STARD13: variants seen among roughly 807,000 people sequenced by gnomAD.
The protein encoded by STARD13 is StAR related lipid transfer domain containing 13.
A neutral mutation model predicts 106.4 loss-of-function variants in STARD13; 62 were observed. That is an observed-to-expected ratio of 0.58 (90% confidence interval 0.48 to 0.72). STARD13 has a LOEUF of 0.72. STARD13 is among the 30% of genes least tolerant of loss of function. The pLI is 0.00. For missense variants in STARD13, 1,387 were observed against 1,424.0 expected, an observed-to-expected ratio of 0.97 and a Z score of 0.42; for synonymous variants, 565 against 553.0, an observed-to-expected ratio of 1.02 and a Z score of -0.31.
chr13:33,466,334 T>C, the STARD13 span, among the ~76,000 whole-genome samples: 14 of 152,190 alleles, frequency 9.2e-5, no homozygotes, highest in Non-Finnish European at 1.3e-4. Context: ...ACTTGAAACA[T>C]TCAAATACAG....
At chr13:33,362,652 G>C in the STARD13 span, among the ~76,000 whole-genome samples, 2 of 143,346 alleles carry the variant, frequency 1.4e-5, no homozygotes, top group African/African-American at 6.0e-5. Context: ...CACAACAAAG[G>C]TTGTTGAATT....
chr13:33,596,898 T>C, the STARD13 span, among the ~76,000 whole-genome samples: 1 of 152,248 alleles, frequency 6.6e-6, no homozygotes, highest in Admixed American at 6.5e-5. Context: ...TAGTATGCCA[T>C]TGTGTATATA....
chr13:33,111,206 A>G (rs1293408501), intron 10 of STARD13, among the ~76,000 whole-genome samples: 5 of 152,210 alleles, frequency 3.3e-5, no homozygotes, highest in Non-Finnish European at 7.3e-5. Context: ...TTGGCAAAAT[A>G]TGGGCTCAGA....
At chr13:33,416,172 T>C in the STARD13 span, among the ~76,000 whole-genome samples, 4,825 of 152,332 alleles carry the variant, frequency 0.032, 222 homozygotes, top group East Asian at 0.2. Context: ...ATGTGCTAGA[T>C]ACTATGCCAG....
At chr13:33,309,501 C>CA (rs1210808493) in intron 1 of STARD13, among the ~76,000 whole-genome samples, 1 of 152,114 alleles carries the variant, frequency 6.6e-6, no homozygotes, top group African/African-American at 2.4e-5. Context: ...GAAGCTGGTG[C>CA]AATGGTAACA....
At chr13:33,623,264 C>G in the STARD13 span, among the ~76,000 whole-genome samples, 2 of 151,628 alleles carry the variant, frequency 1.3e-5, no homozygotes, top group Non-Finnish European at 2.9e-5. Context: ...AATGTCATAA[C>G]ATGCACAAAC....
intron 1 of STARD13, among the ~76,000 whole-genome samples, chr13:33,284,229 T>A (rs552805307): frequency 1.2e-4 from 18 of 152,324 alleles, no homozygotes; most frequent in African/African-American, 4.3e-4. Flanking sequence ...AGGACCAGCA[T>A]CCTTCACACA....
chr13:33,621,886 C>A, the STARD13 span, among the ~76,000 whole-genome samples: 5 of 150,708 alleles, frequency 3.3e-5, no homozygotes, highest in African/African-American at 1.2e-4. Context: ...CTCACTGCAA[C>A]CTCCCCCTCC....
chr13:33,537,697 A>T, the STARD13 span, among the ~76,000 whole-genome samples: 2 of 152,342 alleles, frequency 1.3e-5, no homozygotes, highest in Non-Finnish European at 1.5e-5. Flanking sequence ...ATAAAAAAAA[A>T]ATTAAAAAAC....
At chr13:33,550,648 A>T in the STARD13 span, among the ~76,000 whole-genome samples, 1 of 152,230 alleles carries the variant, frequency 6.6e-6, no homozygotes, top group African/African-American at 2.4e-5. Flanking sequence ...AGCCTGTTGA[A>T]TGTTCACAGT....
chr13:33,186,113 C>T, intron 1 of STARD13: 1 of 1,477,094 alleles, frequency 6.8e-7, no homozygotes, highest in South Asian at 1.3e-5. Flanking sequence ...TCACTGCTCC[C>T]CAGTGACCTG....
the STARD13 span, among the ~76,000 whole-genome samples, chr13:33,528,265 T>TATATATATATATATATATATATATAC: frequency 1.7e-3 from 222 of 131,480 alleles, 3 homozygotes; most frequent in African/African-American, 6.8e-3. Flanking sequence ...TACATATATA[T>TATATATATATATATATATATATATAC]ATATATATAC....
chr13:33,629,382 G>A, the STARD13 span, among the ~76,000 whole-genome samples: 4 of 152,308 alleles, frequency 2.6e-5, no homozygotes, highest in Non-Finnish European at 1.5e-5. Flanking sequence ...AAATTGCCAA[G>A]AGCTTATGTG....
At position 33,129,677 on chromosome 13, in the gene STARD13, T is replaced by C. The variant is rs780663506; in HGVS notation, c.1000A>G (p.Ser334Gly). Reference protein sequence around the residue: ...PCSGKSSGESSPSEHSSSGVS... With the variant: ...PCSGKSSGESGPSEHSSSGVS... ...CCGCTGCTGCTGTGCTCCGACGGGC[T>C]GCTCTCGCCACTCGACTTGCCAGAG... The change falls in exon 5 of 14, where the codon AGC (serine) becomes GGC (glycine). Residue 334 changes from serine (S) to glycine (G), a missense_variant. By Grantham distance (56) the Ser-to-Gly change is moderately conservative. Transcript: ENST00000336934. 17 of 1,614,076 alleles carry C rather than the reference T, an allele frequency of 1.1e-5. No individual in the cohort carries two copies. The South Asian group carries it at 1.8e-4, about 17-fold the overall frequency.
At chr13:33,323,983 G>A (rs1193600946) in intron 1 of STARD13, among the ~76,000 whole-genome samples, 2 of 152,118 alleles carry the variant, frequency 1.3e-5, no homozygotes, top group African/African-American at 4.8e-5. Context: ...TTTGGGCAGG[G>A]AGAGGTTAAG....
the STARD13 span, among the ~76,000 whole-genome samples, chr13:33,623,338 A>G: frequency 6.6e-6 from 1 of 151,132 alleles, no homozygotes; most frequent in Non-Finnish European, 1.5e-5. Context: ...AATACAAAAT[A>G]TTTTTCAACT....
chr13:33,328,286 T>C (rs1416354520), intron 1 of STARD13, among the ~76,000 whole-genome samples: 2 of 152,252 alleles, frequency 1.3e-5, no homozygotes, highest in Non-Finnish European at 2.9e-5. Flanking sequence ...TGGTTCTTAA[T>C]GTTTACTTCA....
chr13:33,521,180 T>G, the STARD13 span, among the ~76,000 whole-genome samples: 2 of 152,260 alleles, frequency 1.3e-5, no homozygotes, highest in Admixed American at 6.5e-5. Flanking sequence ...AATGAGCACA[T>G]GTTCCTCAGA....
the STARD13 span, among the ~76,000 whole-genome samples, chr13:33,393,456 A>G: frequency 6.6e-6 from 1 of 152,172 alleles, no homozygotes; most frequent in Non-Finnish European, 1.5e-5. Context: ...ATCTTTTGGT[A>G]CTTGGCAGGT....
Sources: allele counts gnomAD v4.1 joint callset (sites outside exome capture counted in the v4.1 genomes callset), GRCh38; gene constraint gnomAD v4.1.1; transcripts MANE v1.5; gene names NCBI Gene and HGNC (gene_info 2026-07-23, HGNC 2026-07-21).